The following ANK3 variants were observed in gnomAD, a reference collection of about 807,000 sequenced individuals.
ANK3 encodes the protein ankyrin 3, also known as ankyrin-3.
Under a neutral mutation model 370.9 loss-of-function variants are expected in ANK3, and 57 were observed. The ratio of observed to expected loss-of-function variants is 0.15; its 90% CI spans 0.12 to 0.19. The LOEUF (loss-of-function observed/expected upper bound fraction) is 0.19, where lower values mean the gene tolerates loss of function less well. Among genes scored for constraint, ANK3 ranks in the 10% least tolerant of loss-of-function variants. The pLI, the probability that ANK3 is intolerant of heterozygous loss-of-function variation, is 1.00. For synonymous variants in ANK3, 1,929 were observed against 1,946.3 expected (o/e 0.99, Z 0.23); for missense variants, 4,439 against 5,302.1 (o/e 0.84, Z 5.06).
chr10:60,103,060 C>A (rs2091567267), intron 28 of ANK3, among the ~76,000 whole-genome samples: 1 of 151,964 alleles, frequency 6.6e-6, no homozygotes, highest in Non-Finnish European at 1.5e-5. Flanking sequence ...AAGTGATTCT[C>A]TTGCCTCAGC....
chr10:60,131,578 A>T (rs1361244471), intron 25 of ANK3, among the ~76,000 whole-genome samples: 1 of 152,154 alleles, frequency 6.6e-6, no homozygotes, highest in Non-Finnish European at 1.5e-5. Flanking sequence ...TTTGTCTTCT[A>T]TTTCTGTTCA....
Position 60,173,197 on chromosome 10 carries a change from T to C in ANK3, c.2185-11A>G, listed in dbSNP as rs1360635035. On this transcript the variant is annotated splice_polypyrimidine_tract_variant and intron_variant, in intron 18 of 43. Coordinates refer to ENST00000280772, the MANE Select transcript of ANK3 (RefSeq NM_020987.5). ...TGGTGTGTATCCCATCTGTAATTAT[T>C]ATTTTTTTAAAAAAGAAGCATCATA... 3.8e-6 allele frequency: 6 copies of C among 1,585,424 alleles called. No homozygotes were observed. The East Asian group carries it at 6.7e-5, about 18-fold the overall frequency.
intron 1 of ANK3, among the ~76,000 whole-genome samples, chr10:60,369,887 A>G (rs1443319741): frequency 6.6e-6 from 1 of 152,192 alleles, no homozygotes; most frequent in African/African-American, 2.4e-5. Flanking sequence ...AGAGATTTAC[A>G]AACACACATT....
At chr10:60,659,817 T>TA (rs772306002) in intron 1 of ANK3, among the ~76,000 whole-genome samples, 3 of 152,022 alleles carry the variant, frequency 2.0e-5, no homozygotes, top group Non-Finnish European at 4.4e-5. Flanking sequence ...CTAGAAAGCT[T>TA]AAAAAATGGG....
intron 1 of ANK3, among the ~76,000 whole-genome samples, chr10:60,375,263 A>G (rs992405683): frequency 1.3e-5 from 2 of 152,220 alleles, no homozygotes; most frequent in Non-Finnish European, 2.9e-5. Context: ...AAAGCTCTGA[A>G]AGCAGTCTTC....
chr10:60,051,660 T>C (rs968605565), intron 42 of ANK3: 1 of 369,380 alleles, frequency 2.7e-6, no homozygotes, highest in African/African-American at 2.4e-5. Context: ...CTTGATGTTT[T>C]CTTCTTTTTT....
At chr10:60,278,898 C>T in intron 3 of ANK3, 26 bp from the exon 4 acceptor site, 3 of 1,605,422 alleles carry the variant, frequency 1.9e-6, no homozygotes, top group Non-Finnish European at 2.6e-6. Flanking sequence ...CAAGATATAT[C>T]AACTCATCGA....
intron 7 of ANK3, among the ~76,000 whole-genome samples, chr10:60,258,647 T>C (rs1260072018): frequency 2.0e-5 from 3 of 152,216 alleles, no homozygotes; most frequent in African/African-American, 7.2e-5. Flanking sequence ...ATCTATTGCA[T>C]GCAGGAAAGA....
At chr10:60,392,967 G>A (rs1161946680), upstream of ANK3, among the ~76,000 whole-genome samples, 2 of 151,962 alleles carry the variant, frequency 1.3e-5, no homozygotes, top group Non-Finnish European at 2.9e-5. Context: ...GAAAAAAAAA[G>A]CTAAGGACAA....
intron 28 of ANK3, among the ~76,000 whole-genome samples, chr10:60,102,086 T>TAA (rs2091363598): frequency 6.6e-6 from 1 of 151,196 alleles, no homozygotes; most frequent in African/African-American, 2.4e-5. Context: ...TGACCAGGGC[T>TAA]TTTACTAGCT....
chr10:60,505,313 G>GAT (rs1024744731), intron 2 of ANK3, among the ~76,000 whole-genome samples: 36 of 151,754 alleles, frequency 2.4e-4, no homozygotes, highest in South Asian at 8.3e-4. Context: ...TAGCATAAAA[G>GAT]ATATATATAT....
intron 2 of ANK3, among the ~76,000 whole-genome samples, chr10:60,446,216 C>G (rs1567047432): frequency 6.6e-6 from 1 of 152,144 alleles, no homozygotes; most frequent in Non-Finnish European, 1.5e-5. Flanking sequence ...ATTTTTCTTG[C>G]CTGTTGTGAA....
chr10:60,672,110 A>G (rs999937377), intron 1 of ANK3, among the ~76,000 whole-genome samples: 2 of 152,360 alleles, frequency 1.3e-5, no homozygotes, highest in African/African-American at 4.8e-5. Context: ...GACAATTATG[A>G]CATTGCGATA....
In ANK3 at chr10:60,357,826, G is replaced by A. The variant is rs151317523; in HGVS notation, c.114+31599C>T. ...GATGAGTACTACTTCATCTCTGACT[G>A]CCACTCTGCCAACCTTCTGAATCTG... On this transcript the variant is annotated intron_variant, in intron 1 of 43. Transcript: ENST00000280772. 5.2e-3 allele frequency among the ~76,000 whole-genome samples: 794 copies of A among 152,126 alleles called. 6 individuals are homozygous for A. Among genetic ancestry groups the A allele is most frequent in the African/African-American group, 0.019 (768 of 41,466 alleles).
chr10:60,650,268 T>C (rs1442545), intron 1 of ANK3, among the ~76,000 whole-genome samples: 103,052 of 151,734 alleles, frequency 0.68, 35,097 homozygotes, highest in South Asian at 0.83. Flanking sequence ...TGCACCCATT[T>C]ATTTACATAT....
chr10:60,189,689 T>C lies in ANK3; in HGVS notation c.1888-2777A>G, dbSNP rs190467791. Among the ~76,000 whole-genome samples, 37 of 152,342 alleles carry C rather than the reference T, an allele frequency of 2.4e-4. No individual in the cohort carries two copies. The East Asian group carries it at 4.8e-3, about 20-fold the overall frequency. The stretch of plus-strand genomic sequence containing the variant: ...CCATACTAAGAAAGGCAGATGCATC[T>C]ATCAAAAGAAAAATTCAACAGGGAG... On this transcript the variant is annotated intron_variant, in intron 16 of 43. Transcript: ENST00000280772.
chr10:60,157,886 A>AAGAG (rs59965251), intron 23 of ANK3, among the ~76,000 whole-genome samples: 9,496 of 132,650 alleles, frequency 0.072, 448 homozygotes, highest in East Asian at 0.11. Context: ...GAGAGAGAAA[A>AAGAG]AGAGAGAGAG....
intron 30 of ANK3, chr10:60,086,448 C>A: frequency 2.4e-6 from 1 of 419,514 alleles, no homozygotes; most frequent in South Asian, 6.2e-5. Context: ...GATGCTATCA[C>A]TAAATTTTAA....
At chr10:60,498,141 T>C (rs1373141884) in intron 2 of ANK3, among the ~76,000 whole-genome samples, 1 of 152,200 alleles carries the variant, frequency 6.6e-6, no homozygotes, top group Non-Finnish European at 1.5e-5. Flanking sequence ...TTCTCCTTTC[T>C]GTCTTTGAAT....
Sources: gnomAD v4.1 joint callset for allele counts (sites outside exome capture counted in the v4.1 genomes callset) on GRCh38, gnomAD v4.1.1 for gene constraint, MANE v1.5 for transcripts, NCBI Gene and HGNC (gene_info 2026-07-23, HGNC 2026-07-21) for gene names.